The following TNKS variants were observed in gnomAD, a reference collection of about 807,000 sequenced individuals.
TNKS encodes the protein tankyrase, also known as poly [ADP-ribose] polymerase tankyrase-1.
In TNKS, 72 loss-of-function variants were observed where a neutral mutation model predicts 135.8. The observed-to-expected ratio is 0.53, with a 90% CI of 0.44 to 0.64. The LOEUF (loss-of-function observed/expected upper bound fraction) is 0.64, where lower values mean the gene tolerates loss of function less well. TNKS is among the 30% of genes least tolerant of loss of function. The probability of loss-of-function intolerance (pLI) is 0.00; values close to 1 mark genes in which losing one functional copy is unlikely to be tolerated. For missense variants in TNKS, 1,769 were observed against 1,674.0 expected, an observed-to-expected ratio of 1.06 and a Z score of -0.99; for synonymous variants, 849 against 649.3, an observed-to-expected ratio of 1.31 and a Z score of -4.68.
chr8:9,774,898 T>A (rs1751035589), intron 26 of TNKS, among the ~76,000 whole-genome samples: 1 of 151,998 alleles, frequency 6.6e-6, no homozygotes, highest in Non-Finnish European at 1.5e-5. Context: ...TTCACTCGGA[T>A]AAAAGGAAGT....
intron 3 of TNKS, among the ~76,000 whole-genome samples, chr8:9,656,630 T>G (rs1375878382): frequency 1.4e-5 from 2 of 148,080 alleles, no homozygotes; most frequent in Non-Finnish European, 3.0e-5. Context: ...TTTTTTTAAT[T>G]TATTTTTTTA....
rs1332494813 is a variant in TNKS at position 9,704,725 on chromosome 8, G to T, written c.1170G>T (p.Gln390His). The change falls in exon 6 of 27, where the codon CAG becomes CAT. Residue 390 changes from glutamine to histidine, a missense_variant. Coordinates refer to ENST00000310430, the MANE Select transcript of TNKS (RefSeq NM_003747.3). ...TTCGAATAGTTCAGCTTCTTCTTCAGCATGGTGCTGATGTTCATGCAAAAG... is the reference window on the plus strand; with the variant it reads ...TTCGAATAGTTCAGCTTCTTCTTCATCATGGTGCTGATGTTCATGCAAAAG... ...NRVRIVQLLL[Q>H]HGADVHAKDK... 2 of 1,613,270 alleles carry T rather than the reference G, an allele frequency of 1.2e-6. No individual in the cohort carries two copies. The highest frequency in any genetic ancestry group is 2.7e-5 in the African/African-American group (2 of 74,874).
intron 5 of TNKS, among the ~76,000 whole-genome samples, chr8:9,687,467 G>A (rs4418342): frequency 0.98 from 149,172 of 152,322 alleles, 73,115 homozygotes; most frequent in East Asian, 1. Flanking sequence ...TTGTACCAAT[G>A]AGGACTTGAA....
At chr8:9,734,823 C>CT (rs1179448449) in intron 15 of TNKS, 42 bp from the exon 16 acceptor site, 1 of 1,549,000 alleles carries the variant, frequency 6.5e-7, no homozygotes, top group Non-Finnish European at 8.8e-7. Context: ...TACCTACTTA[C>CT]TACAGAAAAT....
At chr8:9,764,548 A>G (rs1418624123) in intron 22 of TNKS, among the ~76,000 whole-genome samples, 168 bp from the exon 23 acceptor site, 1 of 152,180 alleles carries the variant, frequency 6.6e-6, no homozygotes, top group Non-Finnish European at 1.5e-5. Flanking sequence ...GCATAAATTT[A>G]ATATTTATGT....
rs538875968 is a variant in TNKS, at chr8:9,701,269, G to A, written c.1108-3394G>A. On this transcript the variant is annotated intron_variant, in intron 5 of 26. Coordinates refer to ENST00000310430, the MANE Select transcript of TNKS (RefSeq NM_003747.3). ...TTAAATAAACTGTAGGTTTTCATAT[G>A]CATTCATTCATTTGAGAACTTTTGT... Among the ~76,000 whole-genome samples the A allele has an allele frequency of 7.2e-5, 11 of 152,220 alleles. No individual in the cohort carries two copies. In the East Asian group the frequency reaches 2.1e-3, roughly 29 times the overall value.
chr8:9,745,508 G>T (rs1374494382), intron 17 of TNKS, among the ~76,000 whole-genome samples: 1 of 152,070 alleles, frequency 6.6e-6, no homozygotes, highest in Non-Finnish European at 1.5e-5. Context: ...AGATTCAAGC[G>T]ATTCTCCTGC....
At chr8:9,679,913 G>C (rs780473491) in intron 3 of TNKS, 38 bp from the exon 4 acceptor site, 11 of 1,574,914 alleles carry the variant, frequency 7.0e-6, no homozygotes, top group Non-Finnish European at 9.6e-6. Flanking sequence ...TCTGTCTTCT[G>C]CCAAATGCTA....
intron 20 of TNKS, among the ~76,000 whole-genome samples, chr8:9,759,160 G>C (rs1435891727): frequency 6.6e-6 from 1 of 152,218 alleles, no homozygotes; most frequent in African/African-American, 2.4e-5. Flanking sequence ...AGGCCAGCCT[G>C]CACTCCAGGG....
At chr8:9,651,625 A>G (rs1297458044) in intron 3 of TNKS, among the ~76,000 whole-genome samples, 2 of 152,200 alleles carry the variant, frequency 1.3e-5, no homozygotes, top group African/African-American at 4.8e-5. Context: ...TAGTTCAGAA[A>G]TATCTGTTCG....
At chr8:9,775,335 G>C (rs1018613408) in intron 26 of TNKS, among the ~76,000 whole-genome samples, 1 of 151,372 alleles carries the variant, frequency 6.6e-6, no homozygotes, top group African/African-American at 2.4e-5. Context: ...CTTCAGATTG[G>C]AAAGTCAGGA....
chr8:9,688,018 A>G (rs1326411475), intron 5 of TNKS, among the ~76,000 whole-genome samples: 3 of 152,266 alleles, frequency 2.0e-5, no homozygotes, highest in Non-Finnish European at 4.4e-5. Flanking sequence ...AAGAGCAGGA[A>G]GAAACACACA....
At position 9,704,764 on chromosome 8, in the gene TNKS, C is replaced by T. The variant is rs931927532; in HGVS notation, c.1202+7C>T. 1.1e-5 allele frequency: 17 copies of T among 1,609,284 alleles called. No homozygotes were observed. The highest frequency in any genetic ancestry group is 1.4e-5 in the Non-Finnish European group (17 of 1,176,942). On this transcript the variant is annotated splice_region_variant and intron_variant, in intron 6 of 26. Coordinates refer to ENST00000310430, the MANE Select transcript of TNKS (RefSeq NM_003747.3). The stretch of plus-strand genomic sequence containing the variant: ...TTCATGCAAAAGACAAAGGGTAGGT[C>T]TATCAGTTTACTTCCTGTCAGTGCT...
Position 9,777,434 on chromosome 8 carries a change from A to G in TNKS, c.*698A>G, listed in dbSNP as rs74384847. 0.085 allele frequency: 12,886 copies of G among 152,266 alleles called. 614 individuals carry two copies. The highest frequency in any genetic ancestry group is 0.17 in the South Asian group (818 of 4,818). 9.4% of individuals were successfully genotyped at this position (152,266 alleles called of 1,614,324 possible). On this transcript the variant is annotated 3_prime_UTR_variant, in exon 27 of 27. Transcript: ENST00000310430. ...TTAGTACCTTTTTATGAATTGGCCT[A>G]TCTTACAAGAGAAGGGCACAAACAC...
At chr8:9,577,778 A>G (rs144310511) in intron 1 of TNKS, among the ~76,000 whole-genome samples, 2 of 152,148 alleles carry the variant, frequency 1.3e-5, no homozygotes, top group African/African-American at 4.8e-5. Context: ...TCATATTTCA[A>G]AATACAATCA....
intron 9 of TNKS, among the ~76,000 whole-genome samples, chr8:9,709,079 C>T (rs150165721): frequency 1.9e-3 from 289 of 152,200 alleles, no homozygotes; most frequent in African/African-American, 6.6e-3. Context: ...GGTTAGTGAT[C>T]GCTCCTAAAT....
intron 3 of TNKS, among the ~76,000 whole-genome samples, chr8:9,668,117 G>A (rs1218426058): frequency 6.6e-6 from 1 of 152,202 alleles, no homozygotes; most frequent in Non-Finnish European, 1.5e-5. Flanking sequence ...AACATTATCT[G>A]TCAGGTGTGT....
At chr8:9,576,267 C>T (rs912705215) in intron 1 of TNKS, among the ~76,000 whole-genome samples, 1 of 152,090 alleles carries the variant, frequency 6.6e-6, no homozygotes, top group Non-Finnish European at 1.5e-5. Context: ...TCCATTCTCA[C>T]ACTGCTATAA....
At chr8:9,595,461 C>T (rs533010089) in intron 2 of TNKS, among the ~76,000 whole-genome samples, 4 of 152,154 alleles carry the variant, frequency 2.6e-5, no homozygotes, top group African/African-American at 9.6e-5. Flanking sequence ...GTTCCAACTG[C>T]TTTCAGGAAG....
Sources: gnomAD v4.1 joint callset for allele counts (sites outside exome capture counted in the v4.1 genomes callset) on GRCh38, gnomAD v4.1.1 for gene constraint, MANE v1.5 for transcripts, NCBI Gene and HGNC (gene_info 2026-07-23, HGNC 2026-07-21) for gene names.